The following GTPBP2 variants were observed in gnomAD, a reference collection of about 807,000 sequenced individuals.
GTPBP2 encodes the protein GTP binding protein 2, also known as GTP-binding protein 2.
A neutral mutation model predicts 63.0 loss-of-function variants in GTPBP2; 32 were observed. That is an observed-to-expected ratio of 0.51 (90% confidence interval 0.38 to 0.68). The LOEUF (loss-of-function observed/expected upper bound fraction) is 0.68, where lower values mean the gene tolerates loss of function less well. Ranked by LOEUF, GTPBP2 falls within the 30% of genes least tolerant of loss-of-function variation. GTPBP2 has a pLI of 0.00. For missense variants in GTPBP2, 492 were observed against 796.9 expected, an observed-to-expected ratio of 0.62 and a Z score of 4.61; for synonymous variants, 310 against 322.6, an observed-to-expected ratio of 0.96 and a Z score of 0.42.
At position 43,626,102 on chromosome 6, in the gene GTPBP2, C is replaced by A. The variant is rs1561925513; in HGVS notation, c.398+124G>T. The A allele has an allele frequency of 3.2e-6, 3 of 931,424 alleles. No homozygotes were observed. The highest frequency in any genetic ancestry group is 5.0e-6 in the Non-Finnish European group (3 of 594,826). The allele number at this position is 931,424 out of a possible 1,614,324, so 57.7% of individuals were successfully genotyped here. A position where few individuals can be genotyped will look rare whatever the true frequency, so the allele number is the denominator to read the frequency against. On this transcript the variant is annotated intron_variant, in intron 3 of 11. Coordinates refer to ENST00000307126, the MANE Select transcript of GTPBP2 (RefSeq NM_019096.5). The surrounding 1 kb of genome is among the most constrained non-coding windows in gnomAD (Gnocchi z 4.0). Reference sequence around the variant, plus strand: ...GAGGGGACCAAAACACTAACCCTCCCCACTTCAGCCCTTTGTCAAGAGAAG... The same window carrying A: ...GAGGGGACCAAAACACTAACCCTCCACACTTCAGCCCTTTGTCAAGAGAAG...
upstream of GTPBP2, among the ~76,000 whole-genome samples, chr6:43,631,273 G>A (rs1320842720): frequency 1.3e-5 from 2 of 152,174 alleles, no homozygotes; most frequent in Non-Finnish European, 2.9e-5. Flanking sequence ...GTCAATGCTA[G>A]CCAGGGGCAC....
At chr6:43,630,458 A>G (rs190501343), upstream of GTPBP2, among the ~76,000 whole-genome samples, 34 of 152,128 alleles carry the variant, frequency 2.2e-4, no homozygotes, top group Admixed American at 1.6e-3. Context: ...TAAACAACTC[A>G]GCCGGGTGCG....
rs768378865 is a variant in GTPBP2 at position 43,625,750 on chromosome 6, G to A, written c.507+6C>T. The stretch of plus-strand genomic sequence containing the variant: ...ACATGAGAGACAGGGATGGGTGTGT[G>A]CTCACCTGTTGGTTGTCAGGGACCT... On this transcript the variant is annotated splice_donor_region_variant and intron_variant, in intron 4 of 11. Transcript: ENST00000307126. The surrounding 1 kb of genome is among the most constrained non-coding windows in gnomAD (Gnocchi z 5.1). 6 of 1,594,132 alleles carry A rather than the reference G, an allele frequency of 3.8e-6. No individual in the cohort carries two copies. Among genetic ancestry groups the A allele is most frequent in the Non-Finnish European group, 2.6e-6 (3 of 1,161,632 alleles).
rs1213594470 is a variant in GTPBP2, at chr6:43,629,189, G to A, written c.-27C>T. 6.6e-6 allele frequency: 5 copies of A among 755,034 alleles called. No homozygotes were observed. In the South Asian group the frequency reaches 7.5e-5, roughly 11 times the overall value. 46.8% of individuals were successfully genotyped at this position (755,034 alleles called of 1,614,324 possible). Reference sequence around the variant, plus strand: ...CGCCGCTGCCGCCAGCCCCCCGCCCGGCCCCTCCCCCGACCGCCGCCGCCG... The same window carrying A: ...CGCCGCTGCCGCCAGCCCCCCGCCCAGCCCCTCCCCCGACCGCCGCCGCCG... On this transcript the variant is annotated 5_prime_UTR_variant, in exon 1 of 12. Coordinates refer to ENST00000307126, the MANE Select transcript of GTPBP2 (RefSeq NM_019096.5).
In GTPBP2 at chr6:43,629,207, C is replaced by T; in HGVS notation, c.-45G>A. ...CCCGCCCGGCCCCTCCCCCGACCGC[C>T]GCCGCCGTCGCCGCCGCCCTTACTG... On this transcript the variant is annotated 5_prime_UTR_variant, in exon 1 of 12. Coordinates refer to ENST00000307126, the MANE Select transcript of GTPBP2 (RefSeq NM_019096.5). 3.2e-6 allele frequency: 4 copies of T among 1,248,452 alleles called. No homozygotes were observed. Among genetic ancestry groups the T allele is most frequent in the Non-Finnish European group, 4.1e-6 (4 of 975,510 alleles). The allele number at this position is 1,248,452 out of a possible 1,614,324, so 77.3% of individuals were successfully genotyped here. A position where few individuals can be genotyped will look rare whatever the true frequency, so the allele number is the denominator to read the frequency against.
At chr6:43,627,356 C>G in intron 1 of GTPBP2, 4 of 1,001,086 alleles carry the variant, frequency 4.0e-6, no homozygotes, top group Non-Finnish European at 4.8e-6. Flanking sequence ...TAGGAAACAC[C>G]ATTTCCTCCC....
chr6:43,625,207 T>C lies in GTPBP2; in HGVS notation c.706-145A>G, dbSNP rs1286655580. On this transcript the variant is annotated intron_variant, in intron 5 of 11. Coordinates refer to ENST00000307126, the MANE Select transcript of GTPBP2 (RefSeq NM_019096.5). The surrounding 1 kb of genome is among the most constrained non-coding windows in gnomAD (Gnocchi z 5.1). Reference sequence around the variant, plus strand: ...TTTAATTTAGTTGATTCCCCATTGATTTCCTAAGAGGGGCAGAGCTTGTTC... The same window carrying C: ...TTTAATTTAGTTGATTCCCCATTGACTTCCTAAGAGGGGCAGAGCTTGTTC... 4.9e-6 allele frequency: 5 copies of C among 1,025,724 alleles called. No individual in the cohort carries two copies. The East Asian group carries it at 9.5e-5, about 19-fold the overall frequency. The allele number at this position is 1,025,724 out of a possible 1,614,324, so 63.5% of individuals were successfully genotyped here. A position where few individuals can be genotyped will look rare whatever the true frequency, so the allele number is the denominator to read the frequency against.
Position 43,629,023 on chromosome 6 carries a change from C to T in GTPBP2, c.140G>A (p.Arg47Lys). Residue 47 changes from arginine to lysine, a missense_variant, in exon 1 of 12, where the codon AGG becomes AAG. Coordinates refer to ENST00000307126, the MANE Select transcript of GTPBP2 (RefSeq NM_019096.5). The part of the protein sequence containing the change: ...GGPKGKKKNG[R>K]NRGGKANNPP... The stretch of plus-strand genomic sequence containing the variant: ...GTTGTTGGCTTTGCCCCCTCTGTTC[C>T]TTCCGTTCTTCTTCTTTCCCTTTGG... The T allele has an allele frequency of 6.2e-7, 1 of 1,613,686 alleles. No homozygotes were observed. Among genetic ancestry groups the T allele is most frequent in the Non-Finnish European group, 8.5e-7 (1 of 1,179,834 alleles).
chr6:43,626,878 G>A lies in GTPBP2; in HGVS notation c.213+44C>T, dbSNP rs753822434. 2 of 1,473,766 alleles carry A rather than the reference G, an allele frequency of 1.4e-6. No homozygotes were observed. The highest frequency in any genetic ancestry group is 1.9e-6 in the Non-Finnish European group (2 of 1,074,236). The allele number at this position is 1,473,766 out of a possible 1,614,324, so 91.3% of individuals were successfully genotyped here. ...AAAGAAATTATCCCACACTGGCAAGGACAACCTACCCCAGCCCCTGCTTTT... is the reference window on the plus strand; with the variant it reads ...AAAGAAATTATCCCACACTGGCAAGAACAACCTACCCCAGCCCCTGCTTTT... On this transcript the variant is annotated intron_variant, in intron 2 of 11. Transcript: ENST00000307126. The surrounding 1 kb of genome is among the most constrained non-coding windows in gnomAD (Gnocchi z 4.0).
intron 1 of GTPBP2, chr6:43,628,597 A>C: frequency 1.0e-6 from 1 of 963,936 alleles, no homozygotes; most frequent in Non-Finnish European, 1.2e-6. Flanking sequence ...TCCCTGTGGA[A>C]CAAGTTTAGA....
chr6:43,625,279 C>T lies in GTPBP2; in HGVS notation c.705+84G>A. 7.5e-7 allele frequency: 1 copy of T among 1,332,482 alleles called. No homozygotes were observed. The highest frequency in any genetic ancestry group is 1.2e-5 in the South Asian group (1 of 83,038). The allele number at this position is 1,332,482 out of a possible 1,614,324, so 82.5% of individuals were successfully genotyped here. ...TCTATACTATTTCAAAAAGTCTCCA[C>T]ACTCTACCCCCATCCTATGTCCTTC... On this transcript the variant is annotated intron_variant, in intron 5 of 11. Coordinates refer to ENST00000307126, the MANE Select transcript of GTPBP2 (RefSeq NM_019096.5). This position sits in a 1 kb window ranked among gnomAD's most constrained non-coding sequence, Gnocchi z 5.1.
rs1373189264 is a variant in GTPBP2, at chr6:43,622,780, C to G, written c.1320G>C (p.Gln440His). ...LSSGICREGD[Q>H]LVVGPTDDGC... ...CATCATCCGTGGGGCCCACCACCAG[C>G]TGGTCCCCCTCACGGCAAATCCCAC... The change falls in exon 10 of 12, where the codon CAG becomes CAC. Residue 440 changes from glutamine (Q) to histidine (H), a missense_variant. Around this residue, in one of 2 missense-constraint regions of GTPBP2, gnomAD observed 400 missense variants for 710.8 expected, o/e 0.56. Coordinates refer to ENST00000307126, the MANE Select transcript of GTPBP2 (RefSeq NM_019096.5). This position sits in a 1 kb window ranked among gnomAD's most constrained non-coding sequence, Gnocchi z 5.4. The G allele has an allele frequency of 6.2e-7, 1 of 1,613,800 alleles. No homozygotes were observed. Among genetic ancestry groups the G allele is most frequent in the Non-Finnish European group, 8.5e-7 (1 of 1,179,762 alleles).
At position 43,624,169 on chromosome 6, in the gene GTPBP2, G is replaced by A. The variant is rs968252004; in HGVS notation, c.1101-101C>T. The A allele has an allele frequency of 2.8e-6, 3 of 1,090,322 alleles. No homozygotes were observed. In the African/African-American group the frequency reaches 4.7e-5, roughly 17 times the overall value. The allele number at this position is 1,090,322 out of a possible 1,614,324, so 67.5% of individuals were successfully genotyped here. A position where few individuals can be genotyped will look rare whatever the true frequency, so the allele number is the denominator to read the frequency against. On this transcript the variant is annotated intron_variant, in intron 7 of 11. Coordinates refer to ENST00000307126, the MANE Select transcript of GTPBP2 (RefSeq NM_019096.5). The surrounding 1 kb of genome is among the most constrained non-coding windows in gnomAD (Gnocchi z 5.1). Reference sequence around the variant, plus strand: ...AAGGTGAGCTTTGTTCTGGCTGGGGGCCCCTCTCTCCTGTCTGCAAATGGC... The same window carrying A: ...AAGGTGAGCTTTGTTCTGGCTGGGGACCCCTCTCTCCTGTCTGCAAATGGC...
In GTPBP2 at chr6:43,622,591, C is replaced by A. The variant is rs1343814768; in HGVS notation, c.1467+42G>T. The A allele has an allele frequency of 6.4e-7, 1 of 1,573,528 alleles. No individual in the cohort carries two copies. The highest frequency in any genetic ancestry group is 8.7e-7 in the Non-Finnish European group (1 of 1,148,910). Reference sequence around the variant, plus strand: ...CATTCAGTAGCCAGTCTCCTAGGCACTTCTCTTAGCGTTCCCTCCCCAACC... The same window carrying A: ...CATTCAGTAGCCAGTCTCCTAGGCAATTCTCTTAGCGTTCCCTCCCCAACC... On this transcript the variant is annotated intron_variant, in intron 10 of 11. Transcript: ENST00000307126. This position sits in a 1 kb window ranked among gnomAD's most constrained non-coding sequence, Gnocchi z 5.4.
At position 43,623,807 on chromosome 6, in the gene GTPBP2, GA is replaced by G; in HGVS notation, c.1237-13del. Reference sequence around the variant, plus strand: ...TAGATTTCATCCACCTGAAGCCAAAGAAAACGCTATCAATGGCCTGCCAAGT... The same window carrying G: ...TAGATTTCATCCACCTGAAGCCAAAGAAACGCTATCAATGGCCTGCCAAGT... On this transcript the variant is annotated splice_polypyrimidine_tract_variant and intron_variant, in intron 8 of 11. Transcript: ENST00000307126. 1.9e-6 allele frequency: 3 copies of G among 1,611,160 alleles called. No individual in the cohort carries two copies. Among genetic ancestry groups the G allele is most frequent in the Non-Finnish European group, 2.5e-6 (3 of 1,178,500 alleles).
chr6:43,621,907 TA>T lies in GTPBP2; in HGVS notation c.1632+95del, dbSNP rs754097053. 49 of 1,598,486 alleles carry T rather than the reference TA, an allele frequency of 3.1e-5. No homozygotes were observed. The African/African-American group carries it at 5.5e-4, about 18-fold the overall frequency. ...CCGCTACCCACCCTAAGTGGGGTTT[TA>T]TTCCCATTGTGGGATCAAGGAGTTC... On this transcript the variant is annotated intron_variant, in intron 11 of 11. Coordinates refer to ENST00000307126, the MANE Select transcript of GTPBP2 (RefSeq NM_019096.5).
Position 43,625,746 on chromosome 6 carries a change from G to C in GTPBP2, c.507+10C>G, listed in dbSNP as rs1266113759. On this transcript the variant is annotated intron_variant, in intron 4 of 11. Transcript: ENST00000307126. The surrounding 1 kb of genome is among the most constrained non-coding windows in gnomAD (Gnocchi z 5.1). Reference sequence around the variant, plus strand: ...GTGGACATGAGAGACAGGGATGGGTGTGTGCTCACCTGTTGGTTGTCAGGG... The same window carrying C: ...GTGGACATGAGAGACAGGGATGGGTCTGTGCTCACCTGTTGGTTGTCAGGG... The C allele has an allele frequency of 1.3e-6, 2 of 1,584,230 alleles. No individual in the cohort carries two copies. The highest frequency in any genetic ancestry group is 1.1e-5 in the South Asian group (1 of 90,550).
Position 43,622,898 on chromosome 6 carries a change from G to T in GTPBP2, c.1296-94C>A, listed in dbSNP as rs969796967. 6 of 1,007,928 alleles carry T rather than the reference G, an allele frequency of 6.0e-6. No individual in the cohort carries two copies. Among genetic ancestry groups the T allele is most frequent in the Non-Finnish European group, 8.7e-6 (6 of 688,890 alleles). The allele number at this position is 1,007,928 out of a possible 1,614,324, so 62.4% of individuals were successfully genotyped here. A position where few individuals can be genotyped will look rare whatever the true frequency, so the allele number is the denominator to read the frequency against. On this transcript the variant is annotated intron_variant, in intron 9 of 11. Coordinates refer to ENST00000307126, the MANE Select transcript of GTPBP2 (RefSeq NM_019096.5). This position sits in a 1 kb window ranked among gnomAD's most constrained non-coding sequence, Gnocchi z 5.4. Reference sequence around the variant, plus strand: ...CCCAGAGCATTCCTTCCCTTCTAGGGTTGAGTCCCTCAAGTGGGGAAGAAC... The same window carrying T: ...CCCAGAGCATTCCTTCCCTTCTAGGTTTGAGTCCCTCAAGTGGGGAAGAAC...
In GTPBP2 at chr6:43,621,714, G is replaced by A; in HGVS notation, c.1709C>T (p.Ala570Val). ...LKHPEYLKVG[A>V]KLLFREGVTK... Reference sequence around the variant, plus strand: ...GACACCCTCCCGGAACAGCAGTTTGGCGCCCACCTTCAGGTACTCTGGGTG... The same window carrying A: ...GACACCCTCCCGGAACAGCAGTTTGACGCCCACCTTCAGGTACTCTGGGTG... Residue 570 changes from alanine to valine, a missense_variant, in exon 12 of 12, where the codon GCC becomes GTC. Physicochemically the swap from Ala to Val is moderately conservative, Grantham distance 64 (BLOSUM62 0). Transcript: ENST00000307126. The A allele has an allele frequency of 6.2e-7, 1 of 1,614,176 alleles. No homozygotes were observed. Among genetic ancestry groups the A allele is most frequent in the South Asian group, 1.1e-5 (1 of 91,084 alleles).
Sources: gnomAD v4.1 joint callset for allele counts (sites outside exome capture counted in the v4.1 genomes callset) on GRCh38, gnomAD v4.1.1 for gene constraint, gnomAD v4.1.1 regional missense constraint, Gnocchi (gnomAD v3.1) non-coding constraint, MANE v1.5 for transcripts, NCBI Gene and HGNC (gene_info 2026-07-23, HGNC 2026-07-21) for gene names.